LEKR1: variants seen among roughly 807,000 people sequenced by gnomAD.
LEKR1 encodes protein LEKR1.
Under a neutral mutation model 72.4 loss-of-function variants are expected in LEKR1, and 59 were observed. The observed-to-expected ratio is 0.82, with a 90% CI of 0.66 to 1.01. LEKR1 has a LOEUF of 1.01. Among genes scored for constraint, LEKR1 ranks in the 50% least tolerant of loss-of-function variants. The probability of loss-of-function intolerance (pLI) is 0.00; values close to 1 mark genes in which losing one functional copy is unlikely to be tolerated. For synonymous variants in LEKR1, 257 were observed against 263.2 expected, an observed-to-expected ratio of 0.98 and a Z score of 0.23; for missense variants, 728 against 759.2, an observed-to-expected ratio of 0.96 and a Z score of 0.48.
intron 12 of LEKR1, among the ~76,000 whole-genome samples, chr3:157,040,894 CA>C (rs1275036226): frequency 2.8e-4 from 42 of 152,194 alleles, no homozygotes; most frequent in African/African-American, 1.0e-3. Flanking sequence ...TCAGAACAAT[CA>C]AGTTACACAG....
chr3:156,878,554 T>C (rs1185716994), intron 3 of LEKR1, among the ~76,000 whole-genome samples: 1 of 152,248 alleles, frequency 6.6e-6, no homozygotes, highest in African/African-American at 2.4e-5. Context: ...TCATGTGGTC[T>C]ATCTTGGAGA....
chr3:156,911,136 T>A (rs1385726099), intron 3 of LEKR1, among the ~76,000 whole-genome samples: 2 of 152,126 alleles, frequency 1.3e-5, no homozygotes, highest in Non-Finnish European at 2.9e-5. Flanking sequence ...TATGTCTTCT[T>A]TTGTATGTCT....
At chr3:157,033,081 G>C (rs1179971539) in intron 12 of LEKR1, among the ~76,000 whole-genome samples, 3 of 152,046 alleles carry the variant, frequency 2.0e-5, no homozygotes, top group Non-Finnish European at 4.4e-5. Context: ...GTGTGTGTTC[G>C]GACTAATCCA....
chr3:156,830,309 A>G (rs1271839283), intron 2 of LEKR1, among the ~76,000 whole-genome samples: 1 of 152,242 alleles, frequency 6.6e-6, no homozygotes, highest in Non-Finnish European at 1.5e-5. Flanking sequence ...CATCATGTTT[A>G]GTGCAATTTC....
intron 3 of LEKR1, among the ~76,000 whole-genome samples, chr3:156,897,555 C>T (rs1346109016): frequency 6.6e-6 from 1 of 152,056 alleles, no homozygotes; most frequent in African/African-American, 2.4e-5. Flanking sequence ...GGGGAGGCTT[C>T]CAGGCTATAG....
chr3:156,982,853 GTGTAGATAGA>G (rs1211071775), intron 7 of LEKR1, among the ~76,000 whole-genome samples: 3,158 of 137,512 alleles, frequency 0.023, 123 homozygotes, highest in African/African-American at 0.079. Context: ...GTGTGTGTGT[GTGTAGATAGA>G]TAGATAGATA....
chr3:156,989,797 C>T (rs1274278460), intron 7 of LEKR1, among the ~76,000 whole-genome samples: 3 of 151,852 alleles, frequency 2.0e-5, no homozygotes, highest in African/African-American at 7.3e-5. Context: ...CCCTCCTTCT[C>T]TTCCTCCCTC....
At chr3:157,022,627 G>C (rs374953208) in intron 10 of LEKR1, among the ~76,000 whole-genome samples, 1 of 152,132 alleles carries the variant, frequency 6.6e-6, no homozygotes, top group East Asian at 1.9e-4. Flanking sequence ...ACAGGCTTTG[G>C]GAAGAGTGTT....
intron 5 of LEKR1, among the ~76,000 whole-genome samples, chr3:156,934,736 A>G (rs1335328077): frequency 2.6e-5 from 4 of 152,176 alleles, no homozygotes; most frequent in Non-Finnish European, 5.9e-5. Flanking sequence ...AGTCATCTGT[A>G]ATATCATGAC....
intron 3 of LEKR1, among the ~76,000 whole-genome samples, chr3:156,907,715 C>T (rs548096620): frequency 2.0e-5 from 3 of 152,182 alleles, no homozygotes; most frequent in Non-Finnish European, 2.9e-5. Context: ...TACACAACTT[C>T]CCACAATGTT....
intron 12 of LEKR1, among the ~76,000 whole-genome samples, chr3:157,033,106 C>T (rs1233735449): frequency 2.0e-5 from 3 of 152,098 alleles, no homozygotes; most frequent in African/African-American, 7.2e-5. Context: ...CTGGCCAGTC[C>T]TCCATCTCTC....
chr3:156,948,028 A>C (rs1166264058), intron 6 of LEKR1, among the ~76,000 whole-genome samples: 2 of 151,164 alleles, frequency 1.3e-5, no homozygotes, highest in Non-Finnish European at 3.0e-5. Flanking sequence ...AGATGATTTC[A>C]TTCACCTCTA....
At chr3:156,834,691 CAT>C (rs1418632514) in intron 2 of LEKR1, among the ~76,000 whole-genome samples, 2 of 152,282 alleles carry the variant, frequency 1.3e-5, no homozygotes, top group Non-Finnish European at 2.9e-5. Flanking sequence ...GGGCTAACTC[CAT>C]ATGTCCCCAG....
intron 10 of LEKR1, 86 bp downstream of exon 10, chr3:157,011,592 A>G (rs1187063247): frequency 1.1e-6 from 1 of 898,106 alleles, no homozygotes; most frequent in African/African-American, 1.7e-5. Flanking sequence ...TTCCGGATAG[A>G]TTTATTTGCT....
chr3:157,016,811 T>C (rs891352303), intron 10 of LEKR1, among the ~76,000 whole-genome samples: 4 of 152,176 alleles, frequency 2.6e-5, no homozygotes, highest in African/African-American at 4.8e-5. Context: ...ACTGTGAGAT[T>C]CTTATACAAT....
At chr3:157,038,997 T>G (rs1735163355) in intron 12 of LEKR1, among the ~76,000 whole-genome samples, 1 of 152,206 alleles carries the variant, frequency 6.6e-6, no homozygotes, top group Non-Finnish European at 1.5e-5. Context: ...GGACTATAGA[T>G]CTGTATTGGC....
chr3:157,032,451 A>T (rs1437851409), intron 12 of LEKR1, among the ~76,000 whole-genome samples: 1 of 152,222 alleles, frequency 6.6e-6, no homozygotes, highest in Admixed American at 6.5e-5. Flanking sequence ...TTGGTTAAAC[A>T]TGGAGAATTG....
At chr3:156,827,713 C>T (rs529657510) in intron 1 of LEKR1, among the ~76,000 whole-genome samples, 2 of 152,242 alleles carry the variant, frequency 1.3e-5, no homozygotes, top group South Asian at 2.1e-4. Context: ...AGTTTCCCCC[C>T]GATAATCAGA....
chr3:156,863,398 C>T (rs889909078), intron 3 of LEKR1, among the ~76,000 whole-genome samples: 1 of 152,054 alleles, frequency 6.6e-6, no homozygotes, highest in African/African-American at 2.4e-5. Context: ...CCTCATCCCT[C>T]CACCCATCTC....
Sources: gnomAD v4.1 joint callset for allele counts (sites outside exome capture counted in the v4.1 genomes callset) on GRCh38, gnomAD v4.1.1 for gene constraint, MANE v1.5 for transcripts, NCBI Gene and HGNC (gene_info 2026-07-23, HGNC 2026-07-21) for gene names.